The following KRT84 variants were observed in gnomAD, a reference collection of about 807,000 sequenced individuals.
KRT84 encodes the protein keratin 84.
Under a neutral mutation model 49.0 loss-of-function variants are expected in KRT84, and 38 were observed. The ratio of observed to expected loss-of-function variants is 0.78; its 90% CI spans 0.60 to 1.02. The LOEUF (loss-of-function observed/expected upper bound fraction) is 1.02. KRT84 is among the 50% of genes least tolerant of loss of function. The pLI is 0.00. For synonymous variants in KRT84, 334 were observed against 312.8 expected (o/e 1.07, Z -0.72); for missense variants, 860 against 788.6 (o/e 1.09, Z -1.08).
rs965622592 is a variant in KRT84 at position 52,377,977 on chromosome 12, A to G, written c.*57T>C. ...CAGAGCCCACGAACCCTGGGGGCAG[A>G]AGCAGGAGCCGTGGAGCTGGTTCTT... On this transcript the variant is annotated 3_prime_UTR_variant, in exon 9 of 9. Coordinates refer to ENST00000257951, the MANE Select transcript of KRT84 (RefSeq NM_033045.4). 8.4e-6 allele frequency: 11 copies of G among 1,316,224 alleles called. No individual in the cohort carries two copies. The highest frequency in any genetic ancestry group is 1.1e-5 in the Non-Finnish European group (11 of 1,006,864). The allele number at this position is 1,316,224 out of a possible 1,614,324, so 81.5% of individuals were successfully genotyped here.
rs770746415 is a variant in KRT84 at position 52,378,204 on chromosome 12, C to T, written c.1633G>A (p.Asp545Asn). 7.0e-6 allele frequency: 11 copies of T among 1,574,760 alleles called. No individual in the cohort carries two copies. The Admixed American group carries it at 1.6e-4, about 23-fold the overall frequency. ...GGARVAPATG[D>N]LLSTGTRSGS... ...CTCCTTGTGCCAGTGCTCAGCAGGTCCCCAGTGGCCGGGGCGACCCGGGCT... is the reference window on the plus strand; with the variant it reads ...CTCCTTGTGCCAGTGCTCAGCAGGTTCCCAGTGGCCGGGGCGACCCGGGCT... The change falls in exon 9 of 9, where the codon GAC (aspartate) becomes AAC (asparagine). Residue 545 changes from aspartate (D) to asparagine (N), a missense_variant. Coordinates refer to ENST00000257951, the MANE Select transcript of KRT84 (RefSeq NM_033045.4).
chr12:52,385,182 G>T lies in KRT84; in HGVS notation c.404C>A (p.Pro135Gln), dbSNP rs377529684. The T allele has an allele frequency of 2.5e-6, 4 of 1,607,790 alleles. No homozygotes were observed. Among genetic ancestry groups the T allele is most frequent in the Non-Finnish European group, 3.4e-6 (4 of 1,175,948 alleles). ...RVGGVGVPAA[P>Q]SITAVTVNKS... Reference sequence around the variant, plus strand: ...GTTCACAGTCACAGCTGTGATAGATGGGGCTGCTGGGACTCCAACCCCTCC... The same window carrying T: ...GTTCACAGTCACAGCTGTGATAGATTGGGCTGCTGGGACTCCAACCCCTCC... Residue 135 changes from proline (P) to glutamine (Q), a missense_variant, in exon 1 of 9, where the codon CCA becomes CAA. Physicochemically the swap from Pro to Gln is moderately conservative, Grantham distance 76. Coordinates refer to ENST00000257951, the MANE Select transcript of KRT84 (RefSeq NM_033045.4).
chr12:52,384,678 C>T (rs890890842), intron 1 of KRT84, among the ~76,000 whole-genome samples: 1 of 152,190 alleles, frequency 6.6e-6, no homozygotes, highest in Non-Finnish European at 1.5e-5. Flanking sequence ...TAAGCATATA[C>T]CAGCCAACAC....
intron 1 of KRT84, among the ~76,000 whole-genome samples, chr12:52,384,003 A>G (rs2245217): frequency 0.42 from 63,282 of 152,064 alleles, 14,023 homozygotes; most frequent in Non-Finnish European, 0.5. Context: ...CTAGTTACCA[A>G]TATGGGGTTT....
At position 52,380,588 on chromosome 12, in the gene KRT84, A is replaced by AG; in HGVS notation, c.1204-6dup. 1 of 1,601,560 alleles carries AG rather than the reference A, an allele frequency of 6.2e-7. No individual in the cohort carries two copies. Among genetic ancestry groups the AG allele is most frequent in the Non-Finnish European group, 8.5e-7 (1 of 1,172,518 alleles). On this transcript the variant is annotated splice_polypyrimidine_tract_variant and splice_region_variant and intron_variant, in intron 6 of 8. Coordinates refer to ENST00000257951, the MANE Select transcript of KRT84 (RefSeq NM_033045.4). The stretch of plus-strand genomic sequence containing the variant: ...TGCAGCCTCCAACTTGGCACGCTGC[A>AG]GGGAAGGCAGTTTGCAGGTAGGCTT...
intron 7 of KRT84, 23 bp from the exon 8 acceptor site, chr12:52,379,930 C>A: frequency 6.2e-7 from 1 of 1,603,404 alleles, no homozygotes; most frequent in Non-Finnish European, 8.5e-7. Flanking sequence ...AGAAACAAAT[C>A]ATTTCACATG....
intron 1 of KRT84, among the ~76,000 whole-genome samples, chr12:52,384,535 T>A (rs1286713184): frequency 3.9e-5 from 6 of 152,230 alleles, no homozygotes; most frequent in Admixed American, 2.6e-4. Context: ...TGTGGGGGTA[T>A]GAATTCTTCT....
In KRT84 at chr12:52,378,298, G is replaced by A. The variant is rs1463181323; in HGVS notation, c.1539C>T (p.Thr513=). The A allele has an allele frequency of 1.3e-6, 2 of 1,542,222 alleles. No individual in the cohort carries two copies. The highest frequency in any genetic ancestry group is 3.9e-5 in the Admixed American group (2 of 50,832). ...AGSTLSRGGV[T]FSGSSSVCAT... ...CACAGACGCTGCTGCTACCTGAGAA[G>A]GTGACCCCGCCGCGGGAGAGGGTGG... Residue 513 remains threonine, a synonymous_variant, in exon 9 of 9, where the codon ACC becomes ACT. Coordinates refer to ENST00000257951, the MANE Select transcript of KRT84 (RefSeq NM_033045.4).
chr12:52,382,297 A>G (rs991924790), intron 4 of KRT84, 140 bp downstream of exon 4: 3 of 624,902 alleles, frequency 4.8e-6, no homozygotes, highest in Non-Finnish European at 8.6e-6. Context: ...ACATATTGGC[A>G]TATATAGCAT....
At chr12:52,382,346 G>T in intron 4 of KRT84, 91 bp downstream of exon 4, 1 of 838,062 alleles carries the variant, frequency 1.2e-6, no homozygotes. Context: ...GATAGCAAAT[G>T]TTTGAAAATA....
In KRT84 at chr12:52,381,389, G is replaced by T; in HGVS notation, c.1049C>A (p.Ala350Asp). The change falls in exon 5 of 9, where the codon GCT (alanine) becomes GAT (aspartate). Residue 350 changes from alanine to aspartate, a missense_variant. Coordinates refer to ENST00000257951, the MANE Select transcript of KRT84 (RefSeq NM_033045.4). The stretch of plus-strand genomic sequence containing the variant: ...GGTCTGGTACCAGGCCTCAGCATCA[G>T]CCCGGCTGCGCCTGGCCACCTCCTC... ...QYEEVARRSRADAEAWYQTKY... is the reference protein window; with the variant it reads ...QYEEVARRSRDDAEAWYQTKY... 3 of 1,614,182 alleles carry T rather than the reference G, an allele frequency of 1.9e-6. No individual in the cohort carries two copies. Among genetic ancestry groups the T allele is most frequent in the Non-Finnish European group, 1.7e-6 (2 of 1,180,042 alleles).
intron 8 of KRT84, among the ~76,000 whole-genome samples, chr12:52,379,274 C>A (rs1939439002): frequency 6.6e-6 from 1 of 152,214 alleles, no homozygotes; most frequent in Non-Finnish European, 1.5e-5. Context: ...TCTGAGTGGG[C>A]AAAACAGGGA....
rs144405225 is a variant in KRT84 at position 52,381,487 on chromosome 12, C to T, written c.951G>A (p.Ser317=). 1.5e-4 allele frequency: 241 copies of T among 1,614,072 alleles called. 2 individuals are homozygous for T. The African/African-American group carries it at 1.9e-3, about 13-fold the overall frequency. ...GGCTGTTGTCCATCTTCACAATGAC[C>T]GACGTCTCTGAGATGTGCGACTGCA... The part of the protein sequence containing the change: ...QLLQSHISET[S]VIVKMDNSRD... The change falls in exon 5 of 9, where the codon TCG becomes TCA. Residue 317 remains serine, a synonymous_variant. Transcript: ENST00000257951.
At position 52,385,555 on chromosome 12, in the gene KRT84, C is replaced by T. The variant is rs764420899; in HGVS notation, c.31G>A (p.Gly11Ser). Residue 11 changes from glycine to serine, a missense_variant, in exon 1 of 9, where the codon GGT becomes AGT. Transcript: ENST00000257951. MSCRSYRVSS[G>S]HRVGNFSSCS... is the part of the protein sequence containing the mutation. Reference sequence around the variant, plus strand: ...GAGCTGAAGTTGCCCACCCGGTGACCAGAGCTGACTCGGTAGGAGCGGCAA... The same window carrying T: ...GAGCTGAAGTTGCCCACCCGGTGACTAGAGCTGACTCGGTAGGAGCGGCAA... The T allele has an allele frequency of 1.2e-6, 2 of 1,613,988 alleles. No individual in the cohort carries two copies. The highest frequency in any genetic ancestry group is 1.7e-5 in the Admixed American group (1 of 60,020).
rs761602441 is a variant in KRT84, at chr12:52,380,594, G to A, written c.1204-11C>T. ...CTCCAACTTGGCACGCTGCAGGGAA[G>A]GCAGTTTGCAGGTAGGCTTCGGCAG... On this transcript the variant is annotated splice_polypyrimidine_tract_variant and intron_variant, in intron 6 of 8. Coordinates refer to ENST00000257951, the MANE Select transcript of KRT84 (RefSeq NM_033045.4). 25 of 1,598,710 alleles carry A rather than the reference G, an allele frequency of 1.6e-5. No homozygotes were observed. The South Asian group carries it at 2.8e-4, about 18-fold the overall frequency.
At chr12:52,379,676 C>A (rs1001134522) in intron 8 of KRT84, among the ~76,000 whole-genome samples, 200 bp downstream of exon 8, 13 of 152,172 alleles carry the variant, frequency 8.5e-5, no homozygotes, top group Admixed American at 2.6e-4. Flanking sequence ...ATGTTTTGCT[C>A]TGGGGAAGGC....
chr12:52,386,004 G>A (rs1025937380), upstream of KRT84, among the ~76,000 whole-genome samples: 3 of 152,188 alleles, frequency 2.0e-5, no homozygotes, highest in African/African-American at 7.2e-5. Flanking sequence ...AGAAAGTTAG[G>A]ATGGCGACAG....
At position 52,381,123 on chromosome 12, in the gene KRT84, A is replaced by T. The variant is rs1410095174; in HGVS notation, c.1160T>A (p.Leu387Gln). Residue 387 changes from leucine to glutamine, a missense_variant, in exon 6 of 9, where the codon CTG (leucine) becomes CAG (glutamine). Coordinates refer to ENST00000257951, the MANE Select transcript of KRT84 (RefSeq NM_033045.4). ...IRNEINELTR[L>Q]IQRLKAEIEH... ...AATCTCTGCCTTAAGCCTCTGGATCAGGCGGGTCAGTTCGTTGATCTCGTT... is the reference window on the plus strand; with the variant it reads ...AATCTCTGCCTTAAGCCTCTGGATCTGGCGGGTCAGTTCGTTGATCTCGTT... The T allele has an allele frequency of 2.5e-6, 4 of 1,614,092 alleles. No homozygotes were observed. Among genetic ancestry groups the T allele is most frequent in the Non-Finnish European group, 3.4e-6 (4 of 1,180,012 alleles).
At chr12:52,382,683 C>G (rs1490907470) in intron 3 of KRT84, 151 bp from the exon 4 acceptor site, 1 of 648,440 alleles carries the variant, frequency 1.5e-6, no homozygotes, top group Admixed American at 2.7e-5. Flanking sequence ...TTGCTCATTT[C>G]CCTATTACAA....
Sources: allele counts gnomAD v4.1 joint callset (sites outside exome capture counted in the v4.1 genomes callset), GRCh38; gene constraint gnomAD v4.1.1; transcripts MANE v1.5; gene names NCBI Gene and HGNC (gene_info 2026-07-23, HGNC 2026-07-21).